GRM5: variants seen among roughly 807,000 people sequenced by gnomAD.
GRM5 encodes the protein metabotropic glutamate receptor 5.
A neutral mutation model predicts 83.1 loss-of-function variants in GRM5; 19 were observed. The ratio of observed to expected loss-of-function variants is 0.23; its 90% CI spans 0.16 to 0.34. The LOEUF (loss-of-function observed/expected upper bound fraction) is 0.34, where lower values mean the gene tolerates loss of function less well. Among genes scored for constraint, GRM5 ranks in the 10% least tolerant of loss-of-function variants. The pLI, the probability that GRM5 is intolerant of heterozygous loss-of-function variation, is 1.00. For synonymous variants in GRM5, 675 were observed against 633.6 expected, an observed-to-expected ratio of 1.07 and a Z score of -0.98; for missense variants, 1,160 against 1,588.3, an observed-to-expected ratio of 0.73 and a Z score of 4.58.
intron 5 of GRM5, among the ~76,000 whole-genome samples, chr11:88,599,967 C>G (rs998439808): frequency 6.6e-6 from 1 of 152,084 alleles, no homozygotes; most frequent in Admixed American, 6.5e-5. Flanking sequence ...GAGCCTAGAT[C>G]GCGCCACTGC....
intron 3 of GRM5, among the ~76,000 whole-genome samples, chr11:88,745,203 T>TTC (rs1942111432): frequency 1.4e-5 from 2 of 147,250 alleles, no homozygotes; most frequent in Non-Finnish European, 3.0e-5. Flanking sequence ...TTTTTCTTTT[T>TTC]TTTTTTTTCT....
At chr11:88,730,415 T>C (rs1941781161) in intron 3 of GRM5, among the ~76,000 whole-genome samples, 1 of 152,118 alleles carries the variant, frequency 6.6e-6, no homozygotes, top group Non-Finnish European at 1.5e-5. Context: ...TTCACACTGT[T>C]GGTGGGAATA....
chr11:88,673,685 T>C (rs775576299), intron 3 of GRM5, among the ~76,000 whole-genome samples: 2 of 151,814 alleles, frequency 1.3e-5, no homozygotes, highest in Non-Finnish European at 2.9e-5. Context: ...CCCCAAATGG[T>C]TTAACTGTAC....
rs371168643 is a variant in GRM5 at position 88,997,333 on chromosome 11, T to TAA, written c.661+49877_661+49878dup. ...CAAGAGTGAAACTCTGTCTCAAAAT[T>TAA]AAAAAAAAAAAAAAAAAGAATGAAA... On this transcript the variant is annotated intron_variant, in intron 2 of 9. Coordinates refer to ENST00000305447, the MANE Select transcript of GRM5 (RefSeq NM_001143831.3). Among the ~76,000 whole-genome samples, 1,060 of 119,900 alleles carry TAA rather than the reference T, an allele frequency of 8.8e-3. 6 individuals are homozygous for TAA. Among genetic ancestry groups the TAA allele is most frequent in the Middle Eastern group, 0.018 (4 of 222 alleles). The allele number at this position is 119,900 out of a possible 152,430, so 78.7% of individuals were successfully genotyped here. A position where few individuals can be genotyped will look rare whatever the true frequency, so the allele number is the denominator to read the frequency against.
intron 3 of GRM5, among the ~76,000 whole-genome samples, chr11:88,715,267 A>AAAGTT (rs1226510579): frequency 6.6e-6 from 1 of 151,994 alleles, no homozygotes; most frequent in African/African-American, 2.4e-5. Context: ...GTAGTAAAGA[A>AAAGTT]AAGTTAAGTA....
At chr11:88,953,739 A>G (rs1258902775) in intron 2 of GRM5, among the ~76,000 whole-genome samples, 3 of 32,814 alleles carry the variant, frequency 9.1e-5, no homozygotes, top group Non-Finnish European at 8.2e-4. Context: ...CATGTAATTT[A>G]TGGTGAAAAA....
intron 3 of GRM5, among the ~76,000 whole-genome samples, chr11:88,779,077 A>C (rs558376866): frequency 4.6e-5 from 7 of 152,220 alleles, no homozygotes; most frequent in Non-Finnish European, 1.0e-4. Flanking sequence ...TAGATGAAGA[A>C]CCTGATGCTC....
At chr11:89,012,813 A>C (rs1308859975) in intron 2 of GRM5, among the ~76,000 whole-genome samples, 1 of 152,204 alleles carries the variant, frequency 6.6e-6, no homozygotes, top group Non-Finnish European at 1.5e-5. Context: ...GCTAAAGAAC[A>C]ATGTGAAGGA....
At chr11:88,939,231 T>C (rs1421699015) in intron 2 of GRM5, among the ~76,000 whole-genome samples, 1 of 151,816 alleles carries the variant, frequency 6.6e-6, no homozygotes, top group Non-Finnish European at 1.5e-5. Context: ...CCTAATTGTT[T>C]ACTCAATTTT....
chr11:88,669,485 GA>G (rs748504036), intron 3 of GRM5, among the ~76,000 whole-genome samples: 3 of 151,792 alleles, frequency 2.0e-5, no homozygotes, highest in Non-Finnish European at 2.9e-5. Flanking sequence ...AATAAGGAAA[GA>G]AAAGAAATAA....
intron 4 of GRM5, among the ~76,000 whole-genome samples, chr11:88,623,007 G>A (rs1190172511): frequency 6.6e-6 from 1 of 152,112 alleles, no homozygotes; most frequent in African/African-American, 2.4e-5. Context: ...GAAAGTGTGG[G>A]TAAGAATAGA....
intron 3 of GRM5, among the ~76,000 whole-genome samples, chr11:88,768,444 G>A (rs369338562): frequency 1.2e-4 from 18 of 152,008 alleles, no homozygotes; most frequent in African/African-American, 3.6e-4. Flanking sequence ...GCTGGTGGGA[G>A]GAGAGAATGG....
chr11:88,684,478 A>C (rs575138918), intron 3 of GRM5, among the ~76,000 whole-genome samples: 1 of 152,336 alleles, frequency 6.6e-6, no homozygotes, highest in African/African-American at 2.4e-5. Context: ...AACACAATGT[A>C]ATTTGCTGTT....
At chr11:89,059,595 T>A in intron 1 of GRM5, among the ~76,000 whole-genome samples, 1 of 152,270 alleles carries the variant, frequency 6.6e-6, no homozygotes, top group Admixed American at 6.5e-5. Context: ...TAATCTATGT[T>A]AGTATTATGT....
intron 2 of GRM5, among the ~76,000 whole-genome samples, chr11:88,889,877 C>A (rs1411167444): frequency 2.6e-5 from 4 of 152,116 alleles, no homozygotes; most frequent in African/African-American, 9.7e-5. Flanking sequence ...AAAACCCTTT[C>A]TTTTCCTCAT....
chr11:88,567,761 T>C lies in GRM5; in HGVS notation c.1922A>G (p.Gln641Arg). ...CTFCLIAKPK[Q>R]IYCYLQRIGI... ...AATTCTCTGAAGGTAGCAGTAAATC[T>C]GTTTGGGCTTCGCAATGAGGCAGAA... Residue 641 changes from glutamine to arginine, a missense_variant, in exon 8 of 10, where the codon CAG becomes CGG. This residue lies in a region of GRM5 where 132 missense variants were observed against 245.5 expected (regional missense o/e 0.54). Transcript: ENST00000305447. The surrounding 1 kb of genome is among the most constrained non-coding windows in gnomAD (Gnocchi z 7.3). 1 of 1,614,068 alleles carries C rather than the reference T, an allele frequency of 6.2e-7. No homozygotes were observed. The highest frequency in any genetic ancestry group is 8.5e-7 in the Non-Finnish European group (1 of 1,179,952).
At chr11:89,005,489 G>C (rs1307302240) in intron 2 of GRM5, among the ~76,000 whole-genome samples, 1 of 152,172 alleles carries the variant, frequency 6.6e-6, no homozygotes, top group Non-Finnish European at 1.5e-5. Flanking sequence ...CCAAACAAAG[G>C]TAACAGTAAT....
chr11:88,867,563 T>C (rs951238372), intron 2 of GRM5, among the ~76,000 whole-genome samples: 5 of 151,782 alleles, frequency 3.3e-5, no homozygotes, highest in Non-Finnish European at 5.9e-5. Context: ...AATTCCTATG[T>C]TGTAATCCTA....
intron 4 of GRM5, 28 bp from the exon 5 acceptor site, chr11:88,604,992 T>G: frequency 6.3e-7 from 1 of 1,596,416 alleles, no homozygotes; most frequent in South Asian, 1.1e-5. Flanking sequence ...AAGCATAGCT[T>G]TGAGGTACAA....
Sources: allele counts gnomAD v4.1 joint callset (sites outside exome capture counted in the v4.1 genomes callset), GRCh38; gene constraint gnomAD v4.1.1; regional missense constraint gnomAD v4.1.1; non-coding constraint Gnocchi (gnomAD v3.1); transcripts MANE v1.5; gene names NCBI Gene and HGNC (gene_info 2026-07-23, HGNC 2026-07-21).